The following SLC10A7 variants were observed in gnomAD, a reference collection of about 807,000 sequenced individuals.
SLC10A7 encodes the protein solute carrier family 10 member 7.
A neutral mutation model predicts 43.2 loss-of-function variants in SLC10A7; 29 were observed. The ratio of observed to expected loss-of-function variants is 0.67; its 90% CI spans 0.50 to 0.92. The LOEUF (loss-of-function observed/expected upper bound fraction) is 0.92. Ranked by LOEUF, SLC10A7 falls within the 40% of genes least tolerant of loss-of-function variation. The pLI, the probability that SLC10A7 is intolerant of heterozygous loss-of-function variation, is 0.00. For missense variants in SLC10A7, 295 were observed against 403.2 expected, an observed-to-expected ratio of 0.73 and a Z score of 2.30; for synonymous variants, 152 against 144.8, an observed-to-expected ratio of 1.05 and a Z score of -0.35.
intron 7 of SLC10A7, among the ~76,000 whole-genome samples, chr4:146,302,011 T>G (rs1731194135): frequency 6.6e-6 from 1 of 152,222 alleles, no homozygotes; most frequent in African/African-American, 2.4e-5. Flanking sequence ...AACAATTCAT[T>G]ATTCCCTCGG....
intron 10 of SLC10A7, among the ~76,000 whole-genome samples, chr4:146,271,441 C>T (rs1728887062): frequency 6.6e-6 from 1 of 152,174 alleles, no homozygotes; most frequent in African/African-American, 2.4e-5. Context: ...TCCAAAGCTT[C>T]TCAACTCTTC....
At position 146,345,571 on chromosome 4, in the gene SLC10A7, G is replaced by T. The variant is rs552858806; in HGVS notation, c.436-19575C>A. The stretch of plus-strand genomic sequence containing the variant: ...ACATCAGCTTCCTTCAGTTATCAAG[G>T]AAGTCTTTCTGCCATTATAGATTCC... On this transcript the variant is annotated intron_variant, in intron 5 of 11. Transcript: ENST00000335472. 2.0e-5 allele frequency among the ~76,000 whole-genome samples: 3 copies of T among 152,168 alleles called. No homozygotes were observed. The East Asian group carries it at 5.8e-4, about 29-fold the overall frequency.
At position 146,265,848 on chromosome 4, in the gene SLC10A7, C is replaced by G. The variant is rs547705423; in HGVS notation, c.848-7011G>C. Reference sequence around the variant, plus strand: ...TTTGATATGGCAGGAAGGAAAGAAACTGGACTGACGAAGGAATACAAAATT... The same window carrying G: ...TTTGATATGGCAGGAAGGAAAGAAAGTGGACTGACGAAGGAATACAAAATT... On this transcript the variant is annotated intron_variant, in intron 10 of 11. Transcript: ENST00000335472. Among the ~76,000 whole-genome samples, 10 of 152,254 alleles carry G rather than the reference C, an allele frequency of 6.6e-5. No homozygotes were observed. In the South Asian group the frequency reaches 1.9e-3, roughly 28 times the overall value.
intron 5 of SLC10A7, among the ~76,000 whole-genome samples, chr4:146,364,247 T>C (rs1238006833): frequency 1.3e-5 from 2 of 152,034 alleles, no homozygotes; most frequent in Non-Finnish European, 2.9e-5. Context: ...CTAGAAGAAA[T>C]GGATTAATTC....
At chr4:146,511,658 T>A (rs187578929) in intron 2 of SLC10A7, among the ~76,000 whole-genome samples, 1 of 152,318 alleles carries the variant, frequency 6.6e-6, no homozygotes, top group Admixed American at 6.5e-5. Flanking sequence ...ATCTAAAGAA[T>A]TTCTAGCGAT....
At chr4:146,486,193 C>T (rs1295928118) in intron 4 of SLC10A7, among the ~76,000 whole-genome samples, 1 of 152,172 alleles carries the variant, frequency 6.6e-6, no homozygotes, top group East Asian at 1.9e-4. Context: ...CAACTAGAAA[C>T]TGCAGGTCAT....
intron 2 of SLC10A7, chr4:146,513,803 C>T (rs1737697827): frequency 6.6e-6 from 1 of 152,124 alleles, no homozygotes; most frequent in Admixed American, 6.6e-5. Flanking sequence ...GCAAGTAAAC[C>T]CTGTAAATTC....
intron 4 of SLC10A7, among the ~76,000 whole-genome samples, chr4:146,486,270 T>G (rs758663965): frequency 2.6e-5 from 4 of 152,208 alleles, no homozygotes; most frequent in Non-Finnish European, 5.9e-5. Context: ...GACTTTCCAA[T>G]TATAATTTTT....
chr4:146,404,905 A>G (rs1739478067), intron 5 of SLC10A7, among the ~76,000 whole-genome samples: 1 of 152,218 alleles, frequency 6.6e-6, no homozygotes, highest in Admixed American at 6.5e-5. Context: ...TTTTGTTTGT[A>G]CATTTCATGT....
chr4:146,421,981 A>T (rs1042801485), intron 5 of SLC10A7, among the ~76,000 whole-genome samples: 1 of 152,160 alleles, frequency 6.6e-6, no homozygotes, highest in Admixed American at 6.5e-5. Flanking sequence ...TTACTTAGGC[A>T]CATCTCCTTT....
intron 4 of SLC10A7, among the ~76,000 whole-genome samples, chr4:146,475,407 T>G (rs1337325413): frequency 6.6e-6 from 1 of 152,212 alleles, no homozygotes; most frequent in Non-Finnish European, 1.5e-5. Context: ...AATACTTAAT[T>G]TTCTATTATA....
At chr4:146,503,763 A>G in intron 4 of SLC10A7, 86 bp downstream of exon 4, 1 of 1,270,754 alleles carries the variant, frequency 7.9e-7, no homozygotes, top group Non-Finnish European at 1.1e-6. Context: ...TGCAACATCA[A>G]CCCTTCATGT....
intron 10 of SLC10A7, among the ~76,000 whole-genome samples, chr4:146,282,676 A>G (rs547295361): frequency 6.6e-6 from 1 of 152,324 alleles, no homozygotes; most frequent in Non-Finnish European, 1.5e-5. Context: ...TTTCACTTTT[A>G]GTGCTAATCT....
intron 5 of SLC10A7, among the ~76,000 whole-genome samples, chr4:146,329,458 T>G (rs1326071864): frequency 6.6e-6 from 1 of 152,184 alleles, no homozygotes; most frequent in Non-Finnish European, 1.5e-5. Flanking sequence ...CTCTCTGACA[T>G]AGGTACTATT....
At chr4:146,412,978 A>G (rs1180895115) in intron 5 of SLC10A7, among the ~76,000 whole-genome samples, 2 of 152,178 alleles carry the variant, frequency 1.3e-5, no homozygotes, top group African/African-American at 4.8e-5. Context: ...TAAATACTCA[A>G]TAAGTATTTC....
At chr4:146,331,469 T>C (rs943955881) in intron 5 of SLC10A7, among the ~76,000 whole-genome samples, 8 of 152,224 alleles carry the variant, frequency 5.3e-5, no homozygotes, top group South Asian at 2.1e-4. Flanking sequence ...CCTGTAGGCA[T>C]TGGCCAGTTT....
At chr4:146,349,243 A>C (rs4835300) in intron 5 of SLC10A7, among the ~76,000 whole-genome samples, 124,446 of 152,084 alleles carry the variant, frequency 0.82, 51,724 homozygotes, top group African/African-American at 0.95. Flanking sequence ...AAGCAGCCAA[A>C]AAATACATGA....
chr4:146,311,179 A>T (rs550484983), intron 6 of SLC10A7, among the ~76,000 whole-genome samples: 1 of 152,228 alleles, frequency 6.6e-6, no homozygotes, highest in South Asian at 2.1e-4. Flanking sequence ...AGCAAGATTG[A>T]CTGTTATCAA....
At chr4:146,281,517 G>A (rs1729556653) in intron 10 of SLC10A7, among the ~76,000 whole-genome samples, 1 of 151,884 alleles carries the variant, frequency 6.6e-6, no homozygotes, top group South Asian at 2.1e-4. Flanking sequence ...TTCGGCCTAT[G>A]CTCTAAGGAT....
Sources: allele counts gnomAD v4.1 joint callset (sites outside exome capture counted in the v4.1 genomes callset), GRCh38; gene constraint gnomAD v4.1.1; transcripts MANE v1.5; gene names NCBI Gene and HGNC (gene_info 2026-07-23, HGNC 2026-07-21).